The following SMAD2 variants were observed in gnomAD, a reference collection of about 807,000 sequenced individuals.
The protein encoded by SMAD2 is SMAD family member 2, also known as MAD homolog 2.
Under a neutral mutation model 64.4 loss-of-function variants are expected in SMAD2, and 8 were observed. The observed-to-expected ratio is 0.12, with a 90% CI of 0.07 to 0.22. The LOEUF (loss-of-function observed/expected upper bound fraction) is 0.22. Among genes scored for constraint, SMAD2 ranks in the 10% least tolerant of loss-of-function variants. SMAD2 has a pLI of 1.00. For synonymous variants in SMAD2, 203 were observed against 195.8 expected (o/e 1.04, Z -0.31); for missense variants, 289 against 561.2 (o/e 0.51, Z 4.90).
At chr18:47,915,890 G>C (rs1414172732) in intron 1 of SMAD2, among the ~76,000 whole-genome samples, 2 of 152,106 alleles carry the variant, frequency 1.3e-5, no homozygotes, top group Non-Finnish European at 2.9e-5. Context: ...CATATAGATG[G>C]AATTATACCG....
In SMAD2 at chr18:47,845,799, T is replaced by A; in HGVS notation, c.999A>T (p.Gly333=). ...CTATGTAGTATAAGCGCACTCCTCT[T>A]CCTGAAACAAAATACAAATGAGATT... ...ATVEMTRRHI[G]RGVRLYYIGG... The change falls in exon 9 of 11, where the codon GGA becomes GGT. Residue 333 remains glycine, a splice_region_variant and synonymous_variant. Transcript: ENST00000262160. The A allele has an allele frequency of 6.2e-7, 1 of 1,613,480 alleles. No homozygotes were observed. Among genetic ancestry groups the A allele is most frequent in the Non-Finnish European group, 8.5e-7 (1 of 1,179,442 alleles).
chr18:47,883,746 G>A (rs946735426), intron 2 of SMAD2, among the ~76,000 whole-genome samples: 5 of 152,078 alleles, frequency 3.3e-5, no homozygotes, highest in African/African-American at 7.2e-5. Flanking sequence ...TGTATGCTGC[G>A]TGCCATTTTT....
chr18:47,855,617 C>T (rs2030604756), intron 6 of SMAD2, among the ~76,000 whole-genome samples: 1 of 151,958 alleles, frequency 6.6e-6, no homozygotes, highest in Non-Finnish European at 1.5e-5. Context: ...TCTTGGTTGG[C>T]AGGGGTACTT....
rs1291564682 is a variant in SMAD2 at position 47,819,820 on chromosome 18, T to TG, written c.*22006dup. The TG allele has an allele frequency of 8.4e-6, 1 of 119,704 alleles. No homozygotes were observed. The highest frequency in any genetic ancestry group is 8.6e-5 in the Admixed American group (1 of 11,588). 7.4% of individuals were successfully genotyped at this position (119,704 alleles called of 1,614,324 possible). A position where few individuals can be genotyped will look rare whatever the true frequency, so the allele number is the denominator to read the frequency against. Reference sequence around the variant, plus strand: ...CAAAAAAAAAAAAAAAAAAAAGAATTGGATGGATTATAAACGGGATAAGCA... The same window carrying TG: ...CAAAAAAAAAAAAAAAAAAAAGAATTGGGATGGATTATAAACGGGATAAGCA... On this transcript the variant is annotated 3_prime_UTR_variant, in exon 11 of 11. Transcript: ENST00000262160.
chr18:47,898,953 A>G (rs1375336795), intron 1 of SMAD2, among the ~76,000 whole-genome samples: 1 of 150,524 alleles, frequency 6.6e-6, no homozygotes, highest in Non-Finnish European at 1.5e-5. Context: ...AGTCTGTGTT[A>G]TTCATCTGCA....
intron 1 of SMAD2, among the ~76,000 whole-genome samples, chr18:47,924,485 G>C (rs1001647113): frequency 4.7e-5 from 7 of 148,948 alleles, no homozygotes; most frequent in Non-Finnish European, 1.5e-5. Flanking sequence ...TTTTTGAGAC[G>C]GAGTCTTGCT....
Position 47,830,569 on chromosome 18 carries a change from C to CT in SMAD2, c.*11257dup, listed in dbSNP as rs1173552638. 1.1e-5 allele frequency: 1 copy of CT among 90,676 alleles called. No homozygotes were observed. The highest frequency in any genetic ancestry group is 3.1e-4 in the East Asian group (1 of 3,208). 5.6% of individuals were successfully genotyped at this position (90,676 alleles called of 1,614,324 possible). A position where few individuals can be genotyped will look rare whatever the true frequency, so the allele number is the denominator to read the frequency against. On this transcript the variant is annotated 3_prime_UTR_variant, in exon 11 of 11. Coordinates refer to ENST00000262160, the MANE Select transcript of SMAD2 (RefSeq NM_005901.6). ...CCAGCCTGGGCAACAGAGCAAGACT[C>CT]TGTCTCCAAAAAAAAAAAAAAAAAA...
chr18:47,897,502 T>C (rs1372331750), intron 1 of SMAD2, among the ~76,000 whole-genome samples: 1 of 152,276 alleles, frequency 6.6e-6, no homozygotes, highest in Non-Finnish European at 1.5e-5. Flanking sequence ...GAATCATTTT[T>C]ATTAAGCTGT....
intron 8 of SMAD2, 62 bp from the exon 9 acceptor site, chr18:47,845,862 A>C (rs529192911): frequency 6.7e-7 from 1 of 1,494,546 alleles, no homozygotes; most frequent in South Asian, 1.1e-5. Flanking sequence ...TGACTTTGGA[A>C]GCATTTTCTT....
chr18:47,910,672 G>A (rs1220865615), intron 1 of SMAD2, among the ~76,000 whole-genome samples: 1 of 152,164 alleles, frequency 6.6e-6, no homozygotes, highest in South Asian at 2.1e-4. Context: ...AGACCTTCAT[G>A]ATGATCCACT....
rs2144288402 is a variant in SMAD2 at position 47,845,491 on chromosome 18, T to A, written c.1136-7A>T. On this transcript the variant is annotated splice_region_variant and splice_polypyrimidine_tract_variant and intron_variant, in intron 9 of 10. Transcript: ENST00000262160. ...AAGATCTTCAGATTACAGCCTATGATTAAAAAAGGTAAAAGAAATTGTCAA... is the reference window on the plus strand; with the variant it reads ...AAGATCTTCAGATTACAGCCTATGAATAAAAAAGGTAAAAGAAATTGTCAA... 1 of 1,612,318 alleles carries A rather than the reference T, an allele frequency of 6.2e-7. No homozygotes were observed. Among genetic ancestry groups the A allele is most frequent in the Middle Eastern group, 1.7e-4 (1 of 6,060 alleles).
intron 1 of SMAD2, chr18:47,922,512 A>G (rs944147109): frequency 2.0e-5 from 3 of 152,244 alleles, no homozygotes; most frequent in Admixed American, 2.0e-4. Flanking sequence ...GATTTAAAGA[A>G]TAACAATAAA....
intron 6 of SMAD2, among the ~76,000 whole-genome samples, chr18:47,851,974 G>A (rs1367698963): frequency 6.6e-6 from 1 of 152,090 alleles, no homozygotes; most frequent in East Asian, 1.9e-4. Context: ...CATTCATCAA[G>A]GTTGTACCAG....
chr18:47,917,366 T>C (rs2034378252), intron 1 of SMAD2, among the ~76,000 whole-genome samples: 1 of 152,236 alleles, frequency 6.6e-6, no homozygotes, highest in South Asian at 2.1e-4. Flanking sequence ...CATCATACTT[T>C]TAGGAGTATC....
chr18:47,884,249 A>C lies in SMAD2; in HGVS notation c.236+12272T>G, dbSNP rs1231751463. On this transcript the variant is annotated intron_variant, in intron 2 of 10. Coordinates refer to ENST00000262160, the MANE Select transcript of SMAD2 (RefSeq NM_005901.6). The stretch of plus-strand genomic sequence containing the variant: ...TTTTATATATAAAATCCCATCCCAC[A>C]TATAGTTCACACTTATTAAGCACCA... 2.0e-5 allele frequency among the ~76,000 whole-genome samples: 3 copies of C among 152,176 alleles called. No homozygotes were observed. The East Asian group carries it at 5.8e-4, about 29-fold the overall frequency.
At chr18:47,898,547 T>C (rs555031821) in intron 1 of SMAD2, among the ~76,000 whole-genome samples, 3 of 152,332 alleles carry the variant, frequency 2.0e-5, no homozygotes, top group Admixed American at 2.0e-4. Context: ...TCAAAGAACA[T>C]GGCTAATTTT....
In SMAD2 at chr18:47,836,161, T is replaced by C. The variant is rs971964940; in HGVS notation, c.*5666A>G. On this transcript the variant is annotated 3_prime_UTR_variant, in exon 11 of 11. Transcript: ENST00000262160. ...CATTTATATTGAGCAAAGATCTGAA[T>C]CACCTTCAATCAGGCTGTAAGATAC... The C allele has an allele frequency of 1.4e-5, 3 of 220,258 alleles. No homozygotes were observed. The highest frequency in any genetic ancestry group is 6.7e-5 in the African/African-American group (3 of 44,612). 13.6% of individuals were successfully genotyped at this position (220,258 alleles called of 1,614,324 possible).
In SMAD2 at chr18:47,834,808, T is replaced by C. The variant is rs1913258028; in HGVS notation, c.*7019A>G. ...TACTGTATTCTCTTTTTGCAATTAA[T>C]CCAGTTTTGTATGTCTTTTCTTTCT... On this transcript the variant is annotated 3_prime_UTR_variant, in exon 11 of 11. Transcript: ENST00000262160. 4.6e-6 allele frequency: 1 copy of C among 219,156 alleles called. No individual in the cohort carries two copies. The highest frequency in any genetic ancestry group is 2.2e-5 in the African/African-American group (1 of 44,514). The allele number at this position is 219,156 out of a possible 1,614,324, so 13.6% of individuals were successfully genotyped here.
rs1448394071 is a variant in SMAD2 at position 47,826,800 on chromosome 18, G to T, written c.*15027C>A. The T allele has an allele frequency of 6.6e-6, 1 of 152,176 alleles. No homozygotes were observed. The highest frequency in any genetic ancestry group is 1.9e-4 in the East Asian group (1 of 5,192). 9.4% of individuals were successfully genotyped at this position (152,176 alleles called of 1,614,324 possible). ...TAGAGAAAGATTTGTTATTAGCAAA[G>T]ACCTTCAGAGTAACCTTTGCCTGGT... is the stretch of plus-strand genomic sequence containing the variant. On this transcript the variant is annotated 3_prime_UTR_variant, in exon 11 of 11. Transcript: ENST00000262160.
Sources: gnomAD v4.1 joint callset for allele counts (sites outside exome capture counted in the v4.1 genomes callset) on GRCh38, gnomAD v4.1.1 for gene constraint, MANE v1.5 for transcripts, NCBI Gene and HGNC (gene_info 2026-07-23, HGNC 2026-07-21) for gene names.